ANGPT1: variants seen among roughly 807,000 people sequenced by gnomAD.
ANGPT1 encodes the protein angiopoietin-1.
Under a neutral mutation model 62.2 loss-of-function variants are expected in ANGPT1, and 17 were observed. The ratio of observed to expected loss-of-function variants is 0.27; its 90% CI spans 0.19 to 0.41. ANGPT1 has a LOEUF of 0.41. Among genes scored for constraint, ANGPT1 ranks in the 10% least tolerant of loss-of-function variants. The pLI is 1.00. For synonymous variants in ANGPT1, 199 were observed against 198.9 expected, an observed-to-expected ratio of 1.00 and a Z score of 0.00; for missense variants, 478 against 594.9, an observed-to-expected ratio of 0.80 and a Z score of 2.04.
intron 7 of ANGPT1, 74 bp from the exon 8 acceptor site, chr8:107,264,425 A>C (rs1813567857): frequency 6.5e-7 from 1 of 1,529,984 alleles, no homozygotes; most frequent in African/African-American, 1.4e-5. Flanking sequence ...CAGCTTGTTG[A>C]ATGTTTGCCT....
At chr8:107,399,714 A>T (rs1283694) in intron 1 of ANGPT1, among the ~76,000 whole-genome samples, 125,281 of 151,972 alleles carry the variant, frequency 0.82, 51,780 homozygotes, top group East Asian at 0.91. Flanking sequence ...CACTCCATTA[A>T]AAGAACATGA....
At chr8:107,369,578 T>G (rs1816339822) in intron 1 of ANGPT1, among the ~76,000 whole-genome samples, 1 of 152,222 alleles carries the variant, frequency 6.6e-6, no homozygotes, top group Admixed American at 6.5e-5. Context: ...TCACTATGCT[T>G]AATTATTTCT....
chr8:107,257,876 G>GTTTTTTTTTTTTTT lies in ANGPT1; in HGVS notation c.1337-5862_1337-5861insAAAAAAAAAAAAAA, dbSNP rs1371396961. Among the ~76,000 whole-genome samples the GTTTTTTTTTTTTTT allele has an allele frequency of 1.8e-3, 149 of 85,072 alleles. 11 individuals are homozygous for GTTTTTTTTTTTTTT. Among genetic ancestry groups the GTTTTTTTTTTTTTT allele is most frequent in the South Asian group, 3.5e-3 (8 of 2,312 alleles). 55.8% of individuals were successfully genotyped at this position (85,072 alleles called of 152,430 possible). On this transcript the variant is annotated intron_variant, in intron 8 of 8. Coordinates refer to ENST00000517746, the MANE Select transcript of ANGPT1 (RefSeq NM_001146.5). ...CTCTTCAGGCCAAGGACTTGTTTTT[G>GTTTTTTTTTTTTTT]TTTCTTTTTTGTTTGTTTGTTTGTT...
At chr8:107,384,558 A>T (rs1816698040) in intron 1 of ANGPT1, among the ~76,000 whole-genome samples, 2 of 152,066 alleles carry the variant, frequency 1.3e-5, no homozygotes, top group Non-Finnish European at 2.9e-5. Context: ...AACTTTTTTC[A>T]TCCTTTGGTA....
At chr8:107,370,700 C>CAAAA (rs71308729) in intron 1 of ANGPT1, among the ~76,000 whole-genome samples, 144 of 75,552 alleles carry the variant, frequency 1.9e-3, no homozygotes, top group Non-Finnish European at 2.3e-3. Context: ...AAGACTCTGT[C>CAAAA]AAAAAAAAAA....
chr8:107,331,276 C>G (rs1815413920), intron 3 of ANGPT1, among the ~76,000 whole-genome samples: 1 of 152,088 alleles, frequency 6.6e-6, no homozygotes, highest in Non-Finnish European at 1.5e-5. Context: ...TTAATAACTT[C>G]CCATAACTCC....
intron 1 of ANGPT1, among the ~76,000 whole-genome samples, chr8:107,357,001 A>T (rs1481821717): frequency 1.3e-5 from 2 of 152,206 alleles, no homozygotes; most frequent in African/African-American, 4.8e-5. Flanking sequence ...ACATTTGCAC[A>T]ATTATGCTCT....
intron 1 of ANGPT1, among the ~76,000 whole-genome samples, chr8:107,457,063 A>G (rs1238655091): frequency 6.6e-6 from 1 of 152,110 alleles, no homozygotes; most frequent in African/African-American, 2.4e-5. Flanking sequence ...ATATGCTCTT[A>G]ATTTTATGAA....
At chr8:107,464,459 C>T (rs530151211) in intron 1 of ANGPT1, among the ~76,000 whole-genome samples, 1 of 151,936 alleles carries the variant, frequency 6.6e-6, no homozygotes, top group African/African-American at 2.4e-5. Flanking sequence ...TTCATTTATT[C>T]ATTCATTCAA....
intron 1 of ANGPT1, among the ~76,000 whole-genome samples, chr8:107,365,725 G>A (rs1023029333): frequency 6.6e-6 from 1 of 152,090 alleles, no homozygotes; most frequent in Non-Finnish European, 1.5e-5. Context: ...CACTAGAAGA[G>A]AATAAGATTG....
At chr8:107,300,283 A>G (rs1462958547) in intron 5 of ANGPT1, among the ~76,000 whole-genome samples, 1 of 151,302 alleles carries the variant, frequency 6.6e-6, no homozygotes, top group East Asian at 1.9e-4. Flanking sequence ...AATTCACACA[A>G]TATTTGTTCT....
In ANGPT1 at chr8:107,303,370, GCA is replaced by G; in HGVS notation, c.809-5_809-4del. On this transcript the variant is annotated splice_polypyrimidine_tract_variant and splice_region_variant and intron_variant, in intron 4 of 8. Coordinates refer to ENST00000517746, the MANE Select transcript of ANGPT1 (RefSeq NM_001146.5). The stretch of plus-strand genomic sequence containing the variant: ...TCTTTTTCCTCCCTTTAGTAAAACT[GCA>G]AAAAAAAAAAAAAAGATTGCAATAT... 6 of 1,406,082 alleles carry G rather than the reference GCA, an allele frequency of 4.3e-6. No individual in the cohort carries two copies. The Admixed American group carries it at 7.8e-5, about 18-fold the overall frequency. The allele number at this position is 1,406,082 out of a possible 1,614,324, so 87.1% of individuals were successfully genotyped here.
intron 1 of ANGPT1, among the ~76,000 whole-genome samples, chr8:107,434,132 T>C (rs1460568282): frequency 6.6e-6 from 1 of 152,206 alleles, no homozygotes; most frequent in Non-Finnish European, 1.5e-5. Context: ...CATTGAACTG[T>C]GGTCCAAATA....
intron 6 of ANGPT1, among the ~76,000 whole-genome samples, chr8:107,289,906 G>GT (rs1051735928): frequency 6.6e-6 from 1 of 152,162 alleles, no homozygotes; most frequent in Non-Finnish European, 1.5e-5. Flanking sequence ...CTGCTGATAA[G>GT]TGTTACTGCT....
At chr8:107,470,292 T>G (rs1159238769) in intron 1 of ANGPT1, among the ~76,000 whole-genome samples, 1 of 152,086 alleles carries the variant, frequency 6.6e-6, no homozygotes, top group Non-Finnish European at 1.5e-5. Context: ...CTTACTCAAT[T>G]TTGAAGACTT....
At chr8:107,422,080 A>G (rs1032146760) in intron 1 of ANGPT1, among the ~76,000 whole-genome samples, 1 of 152,206 alleles carries the variant, frequency 6.6e-6, no homozygotes, top group Non-Finnish European at 1.5e-5. Context: ...ACTAAAATCT[A>G]CTACAAATGA....
At chr8:107,264,517 AAAGG>A (rs1365089856) in intron 7 of ANGPT1, among the ~76,000 whole-genome samples, 166 bp from the exon 8 acceptor site, 2 of 152,316 alleles carry the variant, frequency 1.3e-5, no homozygotes, top group Non-Finnish European at 2.9e-5. Flanking sequence ...CCAAAAGAAC[AAAGG>A]AAGGAAAAAG....
rs541347632 is a variant in ANGPT1 at position 107,396,811 on chromosome 8, CT to C, written c.298-49715del. Reference sequence around the variant, plus strand: ...GTGCTAGGATTATAGGTGTGAGCCACTGCACCCGGCCCTTCTTTTAAAACAC... The same window carrying C: ...GTGCTAGGATTATAGGTGTGAGCCACGCACCCGGCCCTTCTTTTAAAACAC... On this transcript the variant is annotated intron_variant, in intron 1 of 8. Coordinates refer to ENST00000517746, the MANE Select transcript of ANGPT1 (RefSeq NM_001146.5). Among the ~76,000 whole-genome samples the C allele has an allele frequency of 5.5e-4, 83 of 152,242 alleles. No individual in the cohort carries two copies. The South Asian group carries it at 8.7e-3, about 16-fold the overall frequency.
chr8:107,311,645 C>G (rs1239213635), intron 4 of ANGPT1, among the ~76,000 whole-genome samples: 1 of 152,184 alleles, frequency 6.6e-6, no homozygotes, highest in African/African-American at 2.4e-5. Flanking sequence ...AATATCAATT[C>G]TACATATTTG....
Sources: gnomAD v4.1 joint callset for allele counts (sites outside exome capture counted in the v4.1 genomes callset) on GRCh38, gnomAD v4.1.1 for gene constraint, MANE v1.5 for transcripts, NCBI Gene and HGNC (gene_info 2026-07-23, HGNC 2026-07-21) for gene names.